SYNPR: variants seen among roughly 807,000 people sequenced by gnomAD.
The protein encoded by SYNPR is synaptoporin.
SYNPR carries 23 observed loss-of-function variants against 32.9 expected under a neutral mutation model. That is an observed-to-expected ratio of 0.70 (90% CI 0.50 to 0.99). The LOEUF (loss-of-function observed/expected upper bound fraction) is 0.99. SYNPR is among the 50% of genes least tolerant of loss of function. The probability of loss-of-function intolerance (pLI) is 0.00; values close to 1 mark genes in which losing one functional copy is unlikely to be tolerated. For synonymous variants in SYNPR, 146 were observed against 135.9 expected, an observed-to-expected ratio of 1.07 and a Z score of -0.52; for missense variants, 318 against 349.3, an observed-to-expected ratio of 0.91 and a Z score of 0.71.
intron 4 of SYNPR, 108 bp from the exon 5 acceptor site, chr3:63,609,017 A>G (rs942802800): frequency 4.1e-5 from 42 of 1,012,928 alleles, no homozygotes; most frequent in Admixed American, 1.3e-4. Context: ...GTGCTATGGG[A>G]TCTTAAAATT....
intron 2 of SYNPR, among the ~76,000 whole-genome samples, chr3:63,413,985 G>GA (rs956389037): frequency 1.3e-5 from 2 of 150,714 alleles, no homozygotes; most frequent in South Asian, 2.1e-4. Context: ...AGAGGAGAGG[G>GA]AAAAAAATAT....
intron 3 of SYNPR, among the ~76,000 whole-genome samples, chr3:63,524,241 C>T (rs540019309): frequency 3.9e-5 from 6 of 151,988 alleles, no homozygotes; most frequent in Admixed American, 6.6e-5. Context: ...AGAATATCAC[C>T]GAAAAAAATC....
intron 4 of SYNPR, among the ~76,000 whole-genome samples, chr3:63,559,114 C>T (rs1222108273): frequency 3.4e-5 from 5 of 145,262 alleles, no homozygotes; most frequent in Admixed American, 6.9e-5. Flanking sequence ...GTCACCCAGG[C>T]TGCTGTGTAG....
chr3:63,398,650 C>T (rs965777449), intron 2 of SYNPR, among the ~76,000 whole-genome samples: 8 of 151,436 alleles, frequency 5.3e-5, no homozygotes, highest in African/African-American at 1.5e-4. Flanking sequence ...ACCTAGGAGG[C>T]GGAGCTTGCA....
intron 3 of SYNPR, among the ~76,000 whole-genome samples, chr3:63,493,744 A>G (rs1483527768): frequency 6.7e-6 from 1 of 148,714 alleles, no homozygotes; most frequent in Non-Finnish European, 1.5e-5. Context: ...TGAACCCAGA[A>G]GGCGGAGGTT....
At chr3:63,201,088 C>G in the SYNPR span, among the ~76,000 whole-genome samples, 1 of 152,222 alleles carries the variant, frequency 6.6e-6, no homozygotes, top group African/African-American at 2.4e-5. Context: ...CCAAAATTAT[C>G]CTTTAAACTT....
At chr3:63,316,794 G>A (rs1410870998) in intron 2 of SYNPR, among the ~76,000 whole-genome samples, 1 of 151,830 alleles carries the variant, frequency 6.6e-6, no homozygotes, top group African/African-American at 2.4e-5. Flanking sequence ...GTTTGTTCTT[G>A]TTTCTCTAGT....
At chr3:63,468,017 T>C (rs924031920) in intron 2 of SYNPR, among the ~76,000 whole-genome samples, 7 of 151,658 alleles carry the variant, frequency 4.6e-5, no homozygotes, top group African/African-American at 1.7e-4. Flanking sequence ...CTGACCAACA[T>C]GGAGAAACCC....
At chr3:63,243,717 T>C (rs1021227023) in intron 1 of SYNPR, among the ~76,000 whole-genome samples, 3 of 152,022 alleles carry the variant, frequency 2.0e-5, no homozygotes, top group Non-Finnish European at 2.9e-5. Flanking sequence ...GTAAGGAGTA[T>C]TATATTGTCA....
At chr3:63,276,238 G>T (rs2086572938), upstream of SYNPR, among the ~76,000 whole-genome samples, 1 of 152,088 alleles carries the variant, frequency 6.6e-6, no homozygotes, top group Admixed American at 6.5e-5. Context: ...ACATTTTACT[G>T]GTCAAAACAA....
At chr3:63,468,515 A>ACACACACACACACACACAC (rs1559508057) in intron 2 of SYNPR, among the ~76,000 whole-genome samples, 3 of 151,840 alleles carry the variant, frequency 2.0e-5, no homozygotes, top group African/African-American at 4.8e-5. Context: ...ACACACACAC[A>ACACACACACACACACACAC]AATGCTTAAG....
At chr3:63,366,715 A>G (rs2087733197) in intron 2 of SYNPR, among the ~76,000 whole-genome samples, 1 of 152,228 alleles carries the variant, frequency 6.6e-6, no homozygotes, top group African/African-American at 2.4e-5. Flanking sequence ...AGTAAGAGTC[A>G]TAGTGCCATT....
At chr3:63,508,170 A>G (rs1490734614) in intron 3 of SYNPR, among the ~76,000 whole-genome samples, 1 of 151,990 alleles carries the variant, frequency 6.6e-6, no homozygotes, top group African/African-American at 2.4e-5. Flanking sequence ...TATCAACTCT[A>G]TACATCTTCT....
intron 2 of SYNPR, among the ~76,000 whole-genome samples, chr3:63,403,640 A>G (rs905794133): frequency 6.6e-6 from 1 of 152,168 alleles, no homozygotes; most frequent in African/African-American, 2.4e-5. Flanking sequence ...GAAACACGAA[A>G]TTGGAGGTTC....
At chr3:63,450,881 C>T (rs1026039219) in intron 2 of SYNPR, among the ~76,000 whole-genome samples, 9 of 152,162 alleles carry the variant, frequency 5.9e-5, no homozygotes, top group African/African-American at 2.2e-4. Flanking sequence ...TATCGAGACC[C>T]TTGGCACATT....
At chr3:63,366,973 G>A (rs1279740371) in intron 2 of SYNPR, among the ~76,000 whole-genome samples, 1 of 152,186 alleles carries the variant, frequency 6.6e-6, no homozygotes, top group East Asian at 1.9e-4. Context: ...AATAGTGTGT[G>A]CCAGTATCCT....
chr3:63,450,978 C>G (rs533972007), intron 2 of SYNPR, among the ~76,000 whole-genome samples: 1 of 152,176 alleles, frequency 6.6e-6, no homozygotes, highest in Non-Finnish European at 1.5e-5. Context: ...CCTCAGAGCA[C>G]TCAAACTTGC....
At chr3:63,336,844 A>T (rs549973973) in intron 2 of SYNPR, among the ~76,000 whole-genome samples, 1 of 152,316 alleles carries the variant, frequency 6.6e-6, no homozygotes, top group East Asian at 1.9e-4. Context: ...TTTGTAAAAC[A>T]TATATGTGAT....
intron 2 of SYNPR, among the ~76,000 whole-genome samples, chr3:63,402,773 G>T (rs1166692510): frequency 6.6e-6 from 1 of 152,246 alleles, no homozygotes; most frequent in African/African-American, 2.4e-5. Context: ...TCCTGGTACA[G>T]AGTGGCAGCT....
Sources: allele counts gnomAD v4.1 joint callset (sites outside exome capture counted in the v4.1 genomes callset), GRCh38; gene constraint gnomAD v4.1.1; transcripts MANE v1.5; gene names NCBI Gene and HGNC (gene_info 2026-07-23, HGNC 2026-07-21).